RADIL: variants seen among roughly 807,000 people sequenced by gnomAD.
RADIL encodes ras-associating and dilute domain-containing protein.
RADIL carries 99 observed loss-of-function variants against 97.6 expected under a neutral mutation model. The observed-to-expected ratio is 1.01, with a 90% confidence interval of 0.86 to 1.20. RADIL has a LOEUF of 1.20. RADIL is among the 50% of genes most tolerant of loss of function. The pLI is 0.00. For missense variants in RADIL, 1,765 were observed against 1,498.9 expected, an observed-to-expected ratio of 1.18 and a Z score of -2.93; for synonymous variants, 803 against 691.8, an observed-to-expected ratio of 1.16 and a Z score of -2.52.
rs1250157972 is a variant in RADIL at position 4,867,277 on chromosome 7, T to C, written c.535+10328A>G. Among the ~76,000 whole-genome samples, 1 of 152,160 alleles carries C rather than the reference T, an allele frequency of 6.6e-6. No homozygotes were observed. The highest frequency in any genetic ancestry group is 2.4e-5 in the African/African-American group (1 of 41,432). On this transcript the variant is annotated intron_variant, in intron 2 of 14. Coordinates refer to ENST00000399583, the MANE Select transcript of RADIL (RefSeq NM_018059.5). This position sits in a 1 kb window ranked among gnomAD's most constrained non-coding sequence, Gnocchi z 4.1. Reference sequence around the variant, plus strand: ...AATGACATGCACATATGCTCTGTAATCCAGCAGCTCCGTTCCTGGAAGAAT... The same window carrying C: ...AATGACATGCACATATGCTCTGTAACCCAGCAGCTCCGTTCCTGGAAGAAT...
chr7:4,841,526 T>C (rs902636641), intron 2 of RADIL, among the ~76,000 whole-genome samples: 1 of 152,192 alleles, frequency 6.6e-6, no homozygotes, highest in Middle Eastern at 3.2e-3. Flanking sequence ...TCAGGATAAG[T>C]GTCTGTCAGT....
At chr7:4,876,369 C>A (rs1431095368) in intron 2 of RADIL, among the ~76,000 whole-genome samples, 1 of 152,132 alleles carries the variant, frequency 6.6e-6, no homozygotes, top group East Asian at 1.9e-4. Flanking sequence ...GGCATGATCT[C>A]GGCTCACTGC....
rs1012069380 is a variant in RADIL, at chr7:4,872,459, TC to T, written c.535+5145del. 8.0e-5 allele frequency among the ~76,000 whole-genome samples: 12 copies of T among 150,804 alleles called. No homozygotes were observed. The highest frequency in any genetic ancestry group is 2.9e-4 in the African/African-American group (12 of 40,848). ...GGCAAACCAAGCCTCCCCTCACCGT[TC>T]CCCAGCCCCTGACAAAAACCACATG... On this transcript the variant is annotated intron_variant, in intron 2 of 14. Transcript: ENST00000399583. The surrounding 1 kb of genome is among the most constrained non-coding windows in gnomAD (Gnocchi z 5.8).
rs1426289024 is a variant in RADIL at position 4,805,803 on chromosome 7, G to A, written c.2140-87C>T. 3 of 1,508,170 alleles carry A rather than the reference G, an allele frequency of 2.0e-6. No homozygotes were observed. The African/African-American group carries it at 4.2e-5, about 21-fold the overall frequency. The allele number at this position is 1,508,170 out of a possible 1,614,324, so 93.4% of individuals were successfully genotyped here. Reference sequence around the variant, plus strand: ...GGATGGCCTCCACAGGTGGCCTGGGGGTAGCCAGCTGAGGGGCCCTGTGGT... The same window carrying A: ...GGATGGCCTCCACAGGTGGCCTGGGAGTAGCCAGCTGAGGGGCCCTGTGGT... On this transcript the variant is annotated intron_variant, in intron 9 of 14. Coordinates refer to ENST00000399583, the MANE Select transcript of RADIL (RefSeq NM_018059.5).
chr7:4,808,965 C>T lies in RADIL; in HGVS notation c.2140-3249G>A, dbSNP rs141483195. 1.1e-3 allele frequency: 990 copies of T among 877,762 alleles called. 37 individuals carry two copies. In the African/African-American group the frequency reaches 0.025, roughly 22 times the overall value. The allele number at this position is 877,762 out of a possible 1,614,324, so 54.4% of individuals were successfully genotyped here. A position where few individuals can be genotyped will look rare whatever the true frequency, so the allele number is the denominator to read the frequency against. The stretch of plus-strand genomic sequence containing the variant: ...CCCTCCACGTCTCCTTCCGACGCCA[C>T]TGCCCCCGTTCCAACGCCACTGCCC... On this transcript the variant is annotated intron_variant, in intron 9 of 14. Coordinates refer to ENST00000399583, the MANE Select transcript of RADIL (RefSeq NM_018059.5).
chr7:4,856,568 CTT>C (rs1466371390), intron 2 of RADIL, among the ~76,000 whole-genome samples: 2 of 152,228 alleles, frequency 1.3e-5, no homozygotes, highest in Non-Finnish European at 2.9e-5. Context: ...AACAAAATCT[CTT>C]AATTGTACCA....
rs1782109887 is a variant in RADIL at position 4,802,158 on chromosome 7, G to GGCTT, written c.2500-167_2500-164dup. ...GCTTGAGACGCGCAAGAGGCAAAGG[G>GGCTT]GCTTCCCCGCCATCCGGAGCACAGC... On this transcript the variant is annotated intron_variant, in intron 11 of 14. Coordinates refer to ENST00000399583, the MANE Select transcript of RADIL (RefSeq NM_018059.5). Among the ~76,000 whole-genome samples the GGCTT allele has an allele frequency of 2.0e-5, 3 of 152,298 alleles. No homozygotes were observed. The South Asian group carries it at 6.2e-4, about 32-fold the overall frequency.
Position 4,854,152 on chromosome 7 carries a change from G to A in RADIL, c.536-17547C>T, listed in dbSNP as rs931722668. ...CCATCCTGCACCTTGAGGTAACCCT[G>A]AAGATAGAAGGCATGAACTAGAATG... On this transcript the variant is annotated intron_variant, in intron 2 of 14. Coordinates refer to ENST00000399583, the MANE Select transcript of RADIL (RefSeq NM_018059.5). The surrounding 1 kb of genome is among the most constrained non-coding windows in gnomAD (Gnocchi z 5.1). Among the ~76,000 whole-genome samples the A allele has an allele frequency of 2.0e-5, 3 of 152,172 alleles. No individual in the cohort carries two copies. Among genetic ancestry groups the A allele is most frequent in the African/African-American group, 7.2e-5 (3 of 41,430 alleles).
chr7:4,801,480 G>GGGGC (rs1782081768), intron 12 of RADIL, among the ~76,000 whole-genome samples, 173 bp downstream of exon 12: 1 of 152,216 alleles, frequency 6.6e-6, no homozygotes, highest in East Asian at 1.9e-4. Context: ...CCAGCTGCTG[G>GGGGC]GGGCTGAGCA....
Position 4,802,365 on chromosome 7 carries a change from TG to T in RADIL, c.2500-371del, listed in dbSNP as rs1187517849. Reference sequence around the variant, plus strand: ...CCCGGGTACCTCGGGGCACGCTGGCTGGGGGGCCCCCTCCCCGGGTACCTCG... The same window carrying T: ...CCCGGGTACCTCGGGGCACGCTGGCTGGGGGCCCCCTCCCCGGGTACCTCG... On this transcript the variant is annotated intron_variant, in intron 11 of 14. Coordinates refer to ENST00000399583, the MANE Select transcript of RADIL (RefSeq NM_018059.5). 2.6e-5 allele frequency among the ~76,000 whole-genome samples: 3 copies of T among 113,702 alleles called. 1 individual carries two copies. Among genetic ancestry groups the T allele is most frequent in the African/African-American group, 4.3e-5 (1 of 23,308 alleles). The allele number at this position is 113,702 out of a possible 152,430, so 74.6% of individuals were successfully genotyped here.
At chr7:4,807,873 C>T (rs1415949769) in intron 9 of RADIL, among the ~76,000 whole-genome samples, 1 of 24,392 alleles carries the variant, frequency 4.1e-5, no homozygotes, top group Non-Finnish European at 8.6e-5. Context: ...CTCTCTCCCC[C>T]CCATCTCTCT....
intron 2 of RADIL, among the ~76,000 whole-genome samples, chr7:4,839,076 C>T (rs1013042453): frequency 1.3e-5 from 2 of 152,252 alleles, no homozygotes; most frequent in Admixed American, 6.5e-5. Context: ...AGACCGTAGC[C>T]AGCTGTGTAC....
At chr7:4,800,707 G>A (rs532699932) in intron 12 of RADIL, among the ~76,000 whole-genome samples, 7 of 152,280 alleles carry the variant, frequency 4.6e-5, no homozygotes, top group Admixed American at 6.5e-5. Context: ...TGACCAGACC[G>A]GGGCCCCAGG....
At chr7:4,830,126 T>C (rs2115216297) in intron 5 of RADIL, among the ~76,000 whole-genome samples, 1 of 152,332 alleles carries the variant, frequency 6.6e-6, no homozygotes, top group Non-Finnish European at 1.5e-5. Flanking sequence ...GTGAGTATCA[T>C]ACGTACGTGT....
chr7:4,844,851 G>A (rs535958633), intron 2 of RADIL, among the ~76,000 whole-genome samples: 3 of 151,994 alleles, frequency 2.0e-5, no homozygotes, highest in African/African-American at 7.2e-5. Flanking sequence ...CAATCCTCCC[G>A]CCTCAGTCTC....
chr7:4,824,425 C>T lies in RADIL; in HGVS notation c.1455-1871G>A, dbSNP rs144885411. On this transcript the variant is annotated intron_variant, in intron 5 of 14. Coordinates refer to ENST00000399583, the MANE Select transcript of RADIL (RefSeq NM_018059.5). The surrounding 1 kb of genome is among the most constrained non-coding windows in gnomAD (Gnocchi z 6.7). ...AATGCCACCAGGACCTTAAGGCAGCCGGTTTGTGAGGGCATCTGGGAAGGG... is the reference window on the plus strand; with the variant it reads ...AATGCCACCAGGACCTTAAGGCAGCTGGTTTGTGAGGGCATCTGGGAAGGG... Among the ~76,000 whole-genome samples, 9 of 152,320 alleles carry T rather than the reference C, an allele frequency of 5.9e-5. No individual in the cohort carries two copies. The highest frequency in any genetic ancestry group is 3.9e-4 in the East Asian group (2 of 5,182).
At chr7:4,830,900 A>G (rs1408996059) in intron 5 of RADIL, among the ~76,000 whole-genome samples, 1 of 152,152 alleles carries the variant, frequency 6.6e-6, no homozygotes. Flanking sequence ...GGGCGCCTGT[A>G]GTCCCAGCTA....
At chr7:4,881,937 T>TC (rs1344970793) in intron 1 of RADIL, among the ~76,000 whole-genome samples, 1 of 151,118 alleles carries the variant, frequency 6.6e-6, no homozygotes, top group Admixed American at 6.6e-5. Flanking sequence ...GAAATGTTGT[T>TC]CCCCCCACTT....
At position 4,798,446 on chromosome 7, in the gene RADIL, G is replaced by A. The variant is rs1026514507; in HGVS notation, c.*932C>T. On this transcript the variant is annotated 3_prime_UTR_variant, in exon 15 of 15. Transcript: ENST00000399583. ...CTCTGTTGCTATCAAAGATGACCCTGGGCCACCAGTTCCACCACAGCCAGG... is the reference window on the plus strand; with the variant it reads ...CTCTGTTGCTATCAAAGATGACCCTAGGCCACCAGTTCCACCACAGCCAGG... The A allele has an allele frequency of 6.6e-6, 1 of 152,390 alleles. No individual in the cohort carries two copies. The highest frequency in any genetic ancestry group is 1.5e-5 in the Non-Finnish European group (1 of 68,056). The allele number at this position is 152,390 out of a possible 1,614,324, so 9.4% of individuals were successfully genotyped here.
Sources: gnomAD v4.1 joint callset for allele counts (sites outside exome capture counted in the v4.1 genomes callset) on GRCh38, gnomAD v4.1.1 for gene constraint, Gnocchi (gnomAD v3.1) non-coding constraint, MANE v1.5 for transcripts, NCBI Gene and HGNC (gene_info 2026-07-23, HGNC 2026-07-21) for gene names.